Variants in PCDH15 observed in about 807,000 individuals in gnomAD.
The protein encoded by PCDH15 is protocadherin-15.
PCDH15 carries 129 observed loss-of-function variants against 178.5 expected under a neutral mutation model. The observed-to-expected ratio is 0.72, with a 90% CI of 0.63 to 0.84. The LOEUF is 0.84. PCDH15 is among the 40% of genes least tolerant of loss of function. The probability of loss-of-function intolerance (pLI) is 0.00; values close to 1 mark genes in which losing one functional copy is unlikely to be tolerated. For synonymous variants in PCDH15, 800 were observed against 732.0 expected (o/e 1.09, Z -1.50); for missense variants, 2,230 against 2,099.9 (o/e 1.06, Z -1.21).
At chr10:55,336,517 C>T (rs1287078208) in intron 2 of PCDH15, among the ~76,000 whole-genome samples, 1 of 151,928 alleles carries the variant, frequency 6.6e-6, no homozygotes, top group Non-Finnish European at 1.5e-5. Flanking sequence ...AATAAATAAA[C>T]AAATAAAAAT....
chr10:55,544,491 A>G (rs2132080060), intron 2 of PCDH15, among the ~76,000 whole-genome samples: 1 of 152,142 alleles, frequency 6.6e-6, no homozygotes, highest in Non-Finnish European at 1.5e-5. Flanking sequence ...TATAAAACCA[A>G]AATCAGGGCA....
intron 3 of PCDH15, among the ~76,000 whole-genome samples, chr10:54,380,366 C>A (rs1453422125): frequency 6.6e-6 from 1 of 151,476 alleles, no homozygotes; most frequent in African/African-American, 2.4e-5. Context: ...AAGTATAGAT[C>A]AGATATTGAT....
At chr10:55,465,773 GA>G (rs1269539729) in intron 2 of PCDH15, among the ~76,000 whole-genome samples, 5 of 152,054 alleles carry the variant, frequency 3.3e-5, no homozygotes, top group Non-Finnish European at 7.4e-5. Flanking sequence ...CTCTGACATT[GA>G]TTTTTTACCT....
chr10:54,556,302 A>C (rs1360988652), intron 2 of PCDH15, among the ~76,000 whole-genome samples: 2 of 152,200 alleles, frequency 1.3e-5, no homozygotes, highest in African/African-American at 4.8e-5. Flanking sequence ...GGACAGTTTT[A>C]CTGCAGAAGT....
At chr10:54,561,980 C>CTT (rs575547228) in intron 2 of PCDH15, among the ~76,000 whole-genome samples, 918 of 75,128 alleles carry the variant, frequency 0.012, 53 homozygotes, top group African/African-American at 0.034. Context: ...CCGCACCCAG[C>CTT]TTTTTTTTTT....
intron 2 of PCDH15, among the ~76,000 whole-genome samples, chr10:54,546,129 T>C (rs1314869612): frequency 1.3e-5 from 2 of 152,254 alleles, no homozygotes; most frequent in East Asian, 3.9e-4. Flanking sequence ...GGTATCTATT[T>C]GGCTCTCATG....
chr10:54,610,522 C>A (rs1430938595), intron 2 of PCDH15, among the ~76,000 whole-genome samples: 2 of 151,868 alleles, frequency 1.3e-5, no homozygotes, highest in East Asian at 1.9e-4. Context: ...TGTGTTGATT[C>A]AAAAATCTAT....
Position 55,432,082 on chromosome 10 carries a change from A to AACACAAACACAC in PCDH15, c.-156+195542_-156+195543insGTGTGTTTGTGT, listed in dbSNP as rs1554867450. Among the ~76,000 whole-genome samples, 60 of 148,500 alleles carry AACACAAACACAC rather than the reference A, an allele frequency of 4.0e-4. 2 individuals carry two copies. The South Asian group carries it at 5.6e-3, about 14-fold the overall frequency. On this transcript the variant is annotated intron_variant, in intron 2 of 5. Transcript: ENST00000613346. ...TTGGGATAGGCAGAGCTATCATTTA[A>AACACAAACACAC]ACACACACACACACACACACACACA...
intron 2 of PCDH15, among the ~76,000 whole-genome samples, chr10:55,377,414 C>A (rs1468575751): frequency 6.6e-6 from 1 of 151,680 alleles, no homozygotes; most frequent in Non-Finnish European, 1.5e-5. Flanking sequence ...GAAAGGAAAA[C>A]AAGTATTCCT....
At chr10:54,298,302 C>A (rs1301769848) in intron 8 of PCDH15, among the ~76,000 whole-genome samples, 1 of 152,058 alleles carries the variant, frequency 6.6e-6, no homozygotes, top group Non-Finnish European at 1.5e-5. Flanking sequence ...AGCCCTAGGC[C>A]CTGAATAAAA....
At chr10:54,915,781 T>C (rs1268239504) in intron 2 of PCDH15, among the ~76,000 whole-genome samples, 2 of 152,204 alleles carry the variant, frequency 1.3e-5, no homozygotes, top group African/African-American at 4.8e-5. Flanking sequence ...TTCTAAATAA[T>C]TATTCAAAGT....
In PCDH15 at chr10:53,995,893, C is replaced by G. The variant is rs989164117; in HGVS notation, c.2752-128G>C. On this transcript the variant is annotated intron_variant, in intron 20 of 37. Transcript: ENST00000644397. ...CTGTCAGCCTTCCATCCTCTCAATT[C>G]CATTACTCTCATTTCAGACTGGCAC... 1.2e-5 allele frequency: 10 copies of G among 831,758 alleles called. No individual in the cohort carries two copies. The African/African-American group carries it at 1.3e-4, about 11-fold the overall frequency. 51.5% of individuals were successfully genotyped at this position (831,758 alleles called of 1,614,324 possible). A position where few individuals can be genotyped will look rare whatever the true frequency, so the allele number is the denominator to read the frequency against.
At chr10:54,553,811 A>T (rs1319882367) in intron 2 of PCDH15, among the ~76,000 whole-genome samples, 1 of 146,130 alleles carries the variant, frequency 6.8e-6, no homozygotes, top group Non-Finnish European at 1.5e-5. Context: ...GGCTGGGATT[A>T]AAAAAAAAAT....
At chr10:54,569,367 G>C (rs1393378270) in intron 2 of PCDH15, among the ~76,000 whole-genome samples, 1 of 152,072 alleles carries the variant, frequency 6.6e-6, no homozygotes, top group African/African-American at 2.4e-5. Flanking sequence ...TCATAGAAAT[G>C]TTCCTTTATC....
intron 1 of PCDH15, among the ~76,000 whole-genome samples, chr10:54,708,996 G>A (rs1303335731): frequency 6.6e-6 from 1 of 152,086 alleles, no homozygotes; most frequent in Non-Finnish European, 1.5e-5. Context: ...TAGACATCAT[G>A]TTGTAAAGTG....
intron 26 of PCDH15, among the ~76,000 whole-genome samples, chr10:53,888,310 G>GTATATATATACTTA (rs1554845230): frequency 7.0e-5 from 2 of 28,708 alleles, no homozygotes; most frequent in South Asian, 1.8e-3. Flanking sequence ...ATATATATAT[G>GTATATATATACTTA]TATATATGTA....
intron 25 of PCDH15, among the ~76,000 whole-genome samples, chr10:53,925,937 A>G (rs2084509131): frequency 6.6e-6 from 1 of 152,150 alleles, no homozygotes; most frequent in African/African-American, 2.4e-5. Flanking sequence ...TACTCATGCT[A>G]TATGATTTTT....
chr10:55,163,668 C>G (rs1839119662), intron 2 of PCDH15, among the ~76,000 whole-genome samples: 1 of 152,084 alleles, frequency 6.6e-6, no homozygotes, highest in South Asian at 2.1e-4. Flanking sequence ...AGAAAGTCAC[C>G]TCTGGTCATC....
intron 2 of PCDH15, among the ~76,000 whole-genome samples, chr10:55,106,362 T>C (rs935089375): frequency 1.3e-5 from 2 of 152,214 alleles, no homozygotes; most frequent in Non-Finnish European, 2.9e-5. Context: ...ACATAAACTA[T>C]AGAATAAGAA....
Sources: gnomAD v4.1 joint callset for allele counts (sites outside exome capture counted in the v4.1 genomes callset) on GRCh38, gnomAD v4.1.1 for gene constraint, MANE v1.5 for transcripts, NCBI Gene and HGNC (gene_info 2026-07-23, HGNC 2026-07-21) for gene names.